Variants in CACNA2D3 observed in about 807,000 individuals in gnomAD.
The protein encoded by CACNA2D3 is voltage-dependent calcium channel subunit alpha-2/delta-3.
A neutral mutation model predicts 160.6 loss-of-function variants in CACNA2D3; 60 were observed. The observed-to-expected ratio is 0.37, with a 90% CI of 0.30 to 0.46. CACNA2D3 has a LOEUF of 0.46. Among genes scored for constraint, CACNA2D3 ranks in the 20% least tolerant of loss-of-function variants. CACNA2D3 has a pLI of 1.00. For synonymous variants in CACNA2D3, 558 were observed against 492.9 expected (o/e 1.13, Z -1.75); for missense variants, 1,205 against 1,365.0 (o/e 0.88, Z 1.85).
In CACNA2D3 at chr3:54,677,488, A is replaced by G. The variant is rs187031013; in HGVS notation, c.1167+35247A>G. ...AAAGACAGATTGAAGTTCTCTTCAA[A>G]TAAGCATTGTGATTTAACATTCCTT... is the stretch of plus-strand genomic sequence containing the variant. On this transcript the variant is annotated intron_variant, in intron 11 of 37. Transcript: ENST00000474759. 2.0e-3 allele frequency among the ~76,000 whole-genome samples: 310 copies of G among 152,374 alleles called. 1 individual carries two copies. The highest frequency in any genetic ancestry group is 6.8e-3 in the African/African-American group (283 of 41,590).
chr3:54,743,522 G>A (rs1264424700), intron 11 of CACNA2D3, among the ~76,000 whole-genome samples: 5 of 152,170 alleles, frequency 3.3e-5, no homozygotes, highest in Non-Finnish European at 5.9e-5. Context: ...GGCACTGGAG[G>A]GCTTTAAGCT....
At chr3:54,189,438 G>A (rs2107334147) in intron 2 of CACNA2D3, among the ~76,000 whole-genome samples, 1 of 152,260 alleles carries the variant, frequency 6.6e-6, no homozygotes, top group South Asian at 2.1e-4. Flanking sequence ...GAGCACAAAG[G>A]CAGAAAGTGG....
intron 4 of CACNA2D3, among the ~76,000 whole-genome samples, chr3:54,489,762 A>G (rs571298008): frequency 8.1e-4 from 123 of 152,362 alleles, no homozygotes; most frequent in African/African-American, 2.6e-3. Context: ...TAAGTAGGCC[A>G]TTAATACTTG....
At chr3:54,829,885 C>CTTT (rs58291013) in intron 14 of CACNA2D3, among the ~76,000 whole-genome samples, 4,097 of 64,294 alleles carry the variant, frequency 0.064, 899 homozygotes, top group African/African-American at 0.1. Context: ...TCTTCTTCAT[C>CTTT]TTTTTTTTTT....
At chr3:54,532,292 T>A (rs1376682241) in intron 5 of CACNA2D3, among the ~76,000 whole-genome samples, 1 of 152,202 alleles carries the variant, frequency 6.6e-6, no homozygotes, top group Non-Finnish European at 1.5e-5. Flanking sequence ...CTGCATTGAA[T>A]CAAGGTTTGA....
chr3:54,932,791 T>C (rs1366048938), intron 27 of CACNA2D3, among the ~76,000 whole-genome samples: 1 of 152,120 alleles, frequency 6.6e-6, no homozygotes, highest in South Asian at 2.1e-4. Context: ...ATCCAAACCA[T>C]GTGGTATGGC....
chr3:55,052,029 G>T (rs1044059728), intron 35 of CACNA2D3, among the ~76,000 whole-genome samples: 3 of 152,116 alleles, frequency 2.0e-5, no homozygotes, highest in African/African-American at 7.2e-5. Flanking sequence ...AGATGAACCC[G>T]GTACCTCAGA....
intron 4 of CACNA2D3, among the ~76,000 whole-genome samples, chr3:54,491,653 C>T (rs1345067916): frequency 6.6e-6 from 1 of 152,168 alleles, no homozygotes; most frequent in Non-Finnish European, 1.5e-5. Flanking sequence ...CATGTCCTGC[C>T]AGCTGCCTGT....
intron 35 of CACNA2D3, among the ~76,000 whole-genome samples, chr3:55,056,596 T>C (rs1704367129): frequency 6.6e-6 from 1 of 152,190 alleles, no homozygotes; most frequent in Non-Finnish European, 1.5e-5. Context: ...AAATGCAGTA[T>C]AAGCGCACAA....
chr3:54,444,888 T>C (rs1700197006), intron 4 of CACNA2D3, among the ~76,000 whole-genome samples: 1 of 152,254 alleles, frequency 6.6e-6, no homozygotes, highest in Non-Finnish European at 1.5e-5. Context: ...ACATCCGCTT[T>C]CTTGGAGAAG....
intron 4 of CACNA2D3, among the ~76,000 whole-genome samples, chr3:54,445,683 A>G (rs961815505): frequency 6.6e-6 from 1 of 151,800 alleles, no homozygotes; most frequent in African/African-American, 2.4e-5. Flanking sequence ...GAGACTTCCA[A>G]TTTTTGCATC....
intron 35 of CACNA2D3, among the ~76,000 whole-genome samples, chr3:55,061,350 C>A (rs916414016): frequency 3.3e-4 from 50 of 152,194 alleles, no homozygotes; most frequent in South Asian, 1.9e-3. Context: ...TCTTGGCAGG[C>A]CATCCAGGGT....
At chr3:54,972,656 ATGCACTCTC>A (rs1239506242) in intron 29 of CACNA2D3, among the ~76,000 whole-genome samples, 1 of 152,128 alleles carries the variant, frequency 6.6e-6, no homozygotes, top group African/African-American at 2.4e-5. Flanking sequence ...TCCCCAGTCA[ATGCACTCTC>A]TGGGCCTTGG....
intron 17 of CACNA2D3, among the ~76,000 whole-genome samples, chr3:54,867,912 A>G (rs1045512723): frequency 1.3e-5 from 2 of 152,236 alleles, no homozygotes; most frequent in African/African-American, 2.4e-5. Flanking sequence ...ATCAGGCCAC[A>G]TGAAGGATGG....
intron 35 of CACNA2D3, among the ~76,000 whole-genome samples, chr3:55,069,235 A>G (rs1442017664): frequency 3.3e-5 from 5 of 152,174 alleles, no homozygotes; most frequent in Non-Finnish European, 7.3e-5. Context: ...ACTATTCTCT[A>G]TATTTACTCT....
chr3:54,902,511 C>T (rs1333032955), intron 27 of CACNA2D3, among the ~76,000 whole-genome samples: 1 of 152,164 alleles, frequency 6.6e-6, no homozygotes, highest in African/African-American at 2.4e-5. Context: ...TCTTGAGAAG[C>T]CTGCCAACTC....
intron 5 of CACNA2D3, among the ~76,000 whole-genome samples, chr3:54,545,770 G>C (rs945212766): frequency 1.8e-4 from 28 of 152,198 alleles, no homozygotes; most frequent in Non-Finnish European, 3.5e-4. Flanking sequence ...CCTCTGAGAT[G>C]ACTCTGTGGG....
intron 34 of CACNA2D3, among the ~76,000 whole-genome samples, chr3:55,017,655 C>G (rs1703355523): frequency 6.6e-6 from 1 of 152,160 alleles, no homozygotes; most frequent in African/African-American, 2.4e-5. Context: ...CTACTATGTG[C>G]TCATCCACAT....
intron 2 of CACNA2D3, among the ~76,000 whole-genome samples, chr3:54,227,570 G>C (rs542541934): frequency 6.6e-6 from 1 of 151,166 alleles, no homozygotes; most frequent in South Asian, 2.1e-4. Flanking sequence ...GGGAGGGGGC[G>C]GGGGGGCAGA....
Sources: gnomAD v4.1 joint callset for allele counts (sites outside exome capture counted in the v4.1 genomes callset) on GRCh38, gnomAD v4.1.1 for gene constraint, MANE v1.5 for transcripts, NCBI Gene and HGNC (gene_info 2026-07-23, HGNC 2026-07-21) for gene names.